The following IQANK1 variants were observed in gnomAD, a reference collection of about 807,000 sequenced individuals.
IQANK1 encodes the protein IQ motif and ankyrin repeat domain-containing protein 1.
A neutral mutation model predicts 22.6 loss-of-function variants in IQANK1; 30 were observed. The observed-to-expected ratio is 1.33, with a 90% CI of 0.99 to 1.80. IQANK1 has a LOEUF of 1.80. Ranked by LOEUF, IQANK1 falls within the 40% of genes most tolerant of loss-of-function variation. The pLI is 0.00. For synonymous variants in IQANK1, 122 were observed against 99.6 expected (o/e 1.23, Z -1.34); for missense variants, 275 against 235.2 (o/e 1.17, Z -1.11).
At position 143,789,014 on chromosome 8, in the gene IQANK1, G is replaced by A. The variant is rs1193412852; in HGVS notation, c.889G>A (p.Ala297Thr). ...CATGGAGGCTGAGCAGCAGCGCCGG[G>A]CCCAGGAGGCCCAGAGGCACAAGGA... Reference protein sequence around the residue: ...QNMEAEQQRRAQEAQRHKEAE... With the variant: ...QNMEAEQQRRTQEAQRHKEAE... The change falls in exon 8 of 14, where the codon GCC (alanine) becomes ACC (threonine). Residue 297 changes from alanine (A) to threonine (T), a missense_variant. By Grantham distance (58) the Ala-to-Thr change is moderately conservative. Transcript: ENST00000527139. 1 of 400,060 alleles carries A rather than the reference G, an allele frequency of 2.5e-6. No individual in the cohort carries two copies. The highest frequency in any genetic ancestry group is 4.4e-6 in the Non-Finnish European group (1 of 226,862). 24.8% of individuals were successfully genotyped at this position (400,060 alleles called of 1,614,324 possible).
chr8:143,778,679 C>T (rs781826772), intron 7 of IQANK1, among the ~76,000 whole-genome samples: 7 of 152,342 alleles, frequency 4.6e-5, no homozygotes, highest in East Asian at 1.9e-4. Context: ...CATCAGTCAT[C>T]GTTTCCATAC....
At chr8:143,768,054 T>C (rs991970797) in intron 3 of IQANK1, among the ~76,000 whole-genome samples, 3 of 151,148 alleles carry the variant, frequency 2.0e-5, no homozygotes, top group Admixed American at 6.6e-5. Flanking sequence ...AGCTAATTTT[T>C]GTACTTTTAG....
intron 3 of IQANK1, among the ~76,000 whole-genome samples, chr8:143,748,518 T>C (rs967365579): frequency 1.4e-5 from 2 of 138,230 alleles, no homozygotes; most frequent in South Asian, 2.1e-4. Flanking sequence ...AATATATAAA[T>C]ATAGATGATA....
At chr8:143,748,675 AATAT>A (rs1423516390) in intron 3 of IQANK1, among the ~76,000 whole-genome samples, 17 of 97,784 alleles carry the variant, frequency 1.7e-4, no homozygotes, top group African/African-American at 1.2e-3. Context: ...TAAATATATA[AATAT>A]ATATCATATA....
rs1388592447 is a variant in IQANK1, at chr8:143,736,681, C to T, written c.85+743C>T. 3.3e-5 allele frequency among the ~76,000 whole-genome samples: 5 copies of T among 152,150 alleles called. No individual in the cohort carries two copies. The East Asian group carries it at 7.7e-4, about 23-fold the overall frequency. On this transcript the variant is annotated intron_variant, in intron 2 of 13. Transcript: ENST00000527139. ...GCCATCCTGTGCTGCCCTCTGCCTG[C>T]GGCTTTGCTCCCAGTCACCTTCTCC...
In IQANK1 at chr8:143,789,872, G is replaced by C; in HGVS notation, c.1195+3G>C. ...GCTTCGGGAGCAGACGCAGGAGGGT[G>C]GGCCTGGCATGGGGCGCCGGCTGGG... On this transcript the variant is annotated splice_donor_region_variant and intron_variant, in intron 11 of 13. Transcript: ENST00000527139. 2 of 1,232,056 alleles carry C rather than the reference G, an allele frequency of 1.6e-6. No homozygotes were observed. The highest frequency in any genetic ancestry group is 2.0e-6 in the Non-Finnish European group (2 of 988,070). The allele number at this position is 1,232,056 out of a possible 1,614,324, so 76.3% of individuals were successfully genotyped here.
chr8:143,773,320 A>C (rs374392493), intron 7 of IQANK1, among the ~76,000 whole-genome samples: 11 of 142,082 alleles, frequency 7.7e-5, no homozygotes, highest in African/African-American at 3.3e-4. Context: ...AAAAAAACAA[A>C]AAAAACACAA....
rs564691169 is a variant in IQANK1 at position 143,751,719 on chromosome 8, C to G, written c.175+11771C>G. On this transcript the variant is annotated intron_variant, in intron 3 of 13. Coordinates refer to ENST00000527139, the MANE Select transcript of IQANK1 (RefSeq NM_001381874.1). ...CAGACATAGACTTAGAAGTTACCCACATGTTTATCTTTATTGAGATCTTTA... is the reference window on the plus strand; with the variant it reads ...CAGACATAGACTTAGAAGTTACCCAGATGTTTATCTTTATTGAGATCTTTA... Among the ~76,000 whole-genome samples, 9 of 131,402 alleles carry G rather than the reference C, an allele frequency of 6.8e-5. No individual in the cohort carries two copies. The East Asian group carries it at 2.0e-3, about 29-fold the overall frequency. The allele number at this position is 131,402 out of a possible 152,430, so 86.2% of individuals were successfully genotyped here. A position where few individuals can be genotyped will look rare whatever the true frequency, so the allele number is the denominator to read the frequency against.
At chr8:143,781,037 G>C (rs1160982401) in intron 7 of IQANK1, among the ~76,000 whole-genome samples, 5 of 152,152 alleles carry the variant, frequency 3.3e-5, no homozygotes, top group African/African-American at 1.2e-4. Context: ...ATGAGATGGT[G>C]TATCCTCATT....
chr8:143,750,858 A>G (rs1819174324), intron 3 of IQANK1, among the ~76,000 whole-genome samples: 1 of 152,158 alleles, frequency 6.6e-6, no homozygotes, highest in Non-Finnish European at 1.5e-5. Flanking sequence ...CTGACAAGAA[A>G]GGACCTACGT....
At chr8:143,784,603 T>C (rs1819853204) in intron 7 of IQANK1, among the ~76,000 whole-genome samples, 1 of 152,236 alleles carries the variant, frequency 6.6e-6, no homozygotes. Context: ...GTTTATTTTT[T>C]ACTTATGCTA....
At chr8:143,765,959 A>G (rs1225322632) in intron 3 of IQANK1, among the ~76,000 whole-genome samples, 4 of 152,162 alleles carry the variant, frequency 2.6e-5, no homozygotes. Context: ...TTTTGGGGGC[A>G]CACACCTGGG....
intron 7 of IQANK1, among the ~76,000 whole-genome samples, chr8:143,777,654 T>C (rs1248243393): frequency 1.3e-5 from 2 of 151,926 alleles, no homozygotes; most frequent in African/African-American, 4.8e-5. Context: ...AAAAAGTAGA[T>C]TGTGACAATT....
intron 3 of IQANK1, chr8:143,743,712 G>A (rs1818970373): frequency 9.4e-6 from 3 of 320,292 alleles, no homozygotes; most frequent in Non-Finnish European, 1.2e-5. Flanking sequence ...AACGGCATCT[G>A]CCTCACAGTG....
chr8:143,742,988 TC>T (rs1335731358), intron 3 of IQANK1: 2 of 455,918 alleles, frequency 4.4e-6, no homozygotes, highest in Non-Finnish European at 8.8e-6. Context: ...GGGTGCTTTA[TC>T]CCCCACCCCC....
chr8:143,771,650 CAGGCAGG>C lies in IQANK1; in HGVS notation c.306+40_306+46del. 2.5e-6 allele frequency: 1 copy of C among 399,594 alleles called. No homozygotes were observed. Among genetic ancestry groups the C allele is most frequent in the Non-Finnish European group, 4.4e-6 (1 of 227,062 alleles). 24.8% of individuals were successfully genotyped at this position (399,594 alleles called of 1,614,324 possible). ...ACGGGCAGCCGCAACAGCCGGGGGC[CAGGCAGG>C]AGGCAGGGGGAGGAAATGGCGAAGC... On this transcript the variant is annotated intron_variant, in intron 4 of 13. Transcript: ENST00000527139. The surrounding 1 kb of genome is among the most constrained non-coding windows in gnomAD (Gnocchi z 6.0).
chr8:143,781,854 G>A (rs187178873), intron 7 of IQANK1, among the ~76,000 whole-genome samples: 1 of 152,266 alleles, frequency 6.6e-6, no homozygotes, highest in East Asian at 1.9e-4. Flanking sequence ...TGAATAAAAT[G>A]CTTGGTATAA....
At chr8:143,737,794 T>C (rs1409699283) in intron 2 of IQANK1, among the ~76,000 whole-genome samples, 1 of 152,090 alleles carries the variant, frequency 6.6e-6, no homozygotes, top group African/African-American at 2.4e-5. Context: ...GCTGCAGCCA[T>C]AGCTGCTCCT....
In IQANK1 at chr8:143,749,590, TA is replaced by T. The variant is rs1554627824; in HGVS notation, c.175+9643del. Among the ~76,000 whole-genome samples, 20 of 141,908 alleles carry T rather than the reference TA, an allele frequency of 1.4e-4. 1 individual carries two copies. The East Asian group carries it at 3.0e-3, about 21-fold the overall frequency. The allele number at this position is 141,908 out of a possible 152,430, so 93.1% of individuals were successfully genotyped here. Reference sequence around the variant, plus strand: ...ATCAATCATATATATATATTTTATTTATTTATTTATTTTTTTTTTTTTTGAG... The same window carrying T: ...ATCAATCATATATATATATTTTATTTTTTATTTATTTTTTTTTTTTTTGAG... On this transcript the variant is annotated intron_variant, in intron 3 of 13. Coordinates refer to ENST00000527139, the MANE Select transcript of IQANK1 (RefSeq NM_001381874.1).
Sources: gnomAD v4.1 joint callset for allele counts (sites outside exome capture counted in the v4.1 genomes callset) on GRCh38, gnomAD v4.1.1 for gene constraint, Gnocchi (gnomAD v3.1) non-coding constraint, MANE v1.5 for transcripts, NCBI Gene and HGNC (gene_info 2026-07-23, HGNC 2026-07-21) for gene names.